The following CIZ1 variants were observed in gnomAD, a reference collection of about 807,000 sequenced individuals.
The protein encoded by CIZ1 is cip1-interacting zinc finger protein.
Under a neutral mutation model 118.6 loss-of-function variants are expected in CIZ1, and 58 were observed. That is an observed-to-expected ratio of 0.49 (90% CI 0.40 to 0.61). The LOEUF (loss-of-function observed/expected upper bound fraction) is 0.61. Ranked by LOEUF, CIZ1 falls within the 20% of genes least tolerant of loss-of-function variation. CIZ1 has a pLI of 0.00. For missense variants in CIZ1, 921 were observed against 1,115.9 expected (o/e 0.83, Z 2.49); for synonymous variants, 448 against 443.4 (o/e 1.01, Z -0.13).
At chr9:128,189,774 T>G (rs1241800844) in intron 3 of CIZ1, among the ~76,000 whole-genome samples, 3 of 132,674 alleles carry the variant, frequency 2.3e-5, no homozygotes, top group Non-Finnish European at 4.6e-5. Flanking sequence ...GAGCCAAGAT[T>G]GCACCATTGC....
intron 1 of CIZ1, chr9:128,197,888 T>C (rs972465066): frequency 6.6e-6 from 1 of 152,260 alleles, no homozygotes; most frequent in African/African-American, 2.4e-5. Flanking sequence ...TAGGGGTTAT[T>C]ATAATCCCCC....
intron 5 of CIZ1, among the ~76,000 whole-genome samples, chr9:128,182,434 C>T (rs1588203777): frequency 6.6e-6 from 1 of 152,308 alleles, no homozygotes; most frequent in African/African-American, 2.4e-5. Flanking sequence ...AGCCACCACA[C>T]CTGGCCCAGT....
upstream of CIZ1, among the ~76,000 whole-genome samples, chr9:128,193,059 G>A (rs535963241): frequency 6.6e-6 from 1 of 152,238 alleles, no homozygotes; most frequent in Non-Finnish European, 1.5e-5. Context: ...TGTGACGAGC[G>A]CCGCTCCAAA....
rs550876030 is a variant in CIZ1 at position 128,178,155 on chromosome 9, C to T, written c.1620+214G>A. ...TTGGGGATGGGCAGGCTGGAAGGGA[C>T]GGATGTGAAGACAGCACAACAGCAA... On this transcript the variant is annotated intron_variant, in intron 9 of 16. Coordinates refer to ENST00000372938, the MANE Select transcript of CIZ1 (RefSeq NM_001131016.2). Among the ~76,000 whole-genome samples the T allele has an allele frequency of 2.6e-5, 4 of 152,200 alleles. No homozygotes were observed. The East Asian group carries it at 5.8e-4, about 22-fold the overall frequency.
chr9:128,166,427 T>C lies in CIZ1; in HGVS notation c.2488-21A>G. The C allele has an allele frequency of 6.7e-7, 1 of 1,500,966 alleles. No homozygotes were observed. Among genetic ancestry groups the C allele is most frequent in the Non-Finnish European group, 9.0e-7 (1 of 1,115,682 alleles). 93.0% of individuals were successfully genotyped at this position (1,500,966 alleles called of 1,614,324 possible). On this transcript the variant is annotated intron_variant, in intron 16 of 16. Transcript: ENST00000372938. This position sits in a 1 kb window ranked among gnomAD's most constrained non-coding sequence, Gnocchi z 4.4. ...TATTTCTGGATACAGAAGGTGCAGGTAAGGTCAGGGTCTCCTCCCTACATG... is the reference window on the plus strand; with the variant it reads ...TATTTCTGGATACAGAAGGTGCAGGCAAGGTCAGGGTCTCCTCCCTACATG...
At chr9:128,184,277 T>C (rs1348039596) in intron 5 of CIZ1, among the ~76,000 whole-genome samples, 1 of 152,100 alleles carries the variant, frequency 6.6e-6, no homozygotes, top group Non-Finnish European at 1.5e-5. Context: ...ACACACCAGA[T>C]TGTGAAGATT....
Position 128,169,435 on chromosome 9 carries a change from AC to A in CIZ1, c.2115del (p.Lys705AsnfsTer12). 6.2e-7 allele frequency: 1 copy of A among 1,614,120 alleles called. No individual in the cohort carries two copies. The highest frequency in any genetic ancestry group is 8.5e-7 in the Non-Finnish European group (1 of 1,180,018). ...TTGGCTTTGTCCTTATGCCCCTGGGACTTCACGTGCTCCACAAACTTGCGAG... is the reference window on the plus strand; with the variant it reads ...TTGGCTTTGTCCTTATGCCCCTGGGATTCACGTGCTCCACAAACTTGCGAG... ...KTPRKFVEHVKSQGHKDKAKE... is the reference protein window; with the variant it reads ...KTPRKFVEHVXSQGHKDKAKE... On this transcript the variant is annotated frameshift_variant, in exon 13 of 17. Transcript: ENST00000372938. LOFTEE classifies it high-confidence loss of function.
At chr9:128,185,387 A>G (rs777630308) in intron 5 of CIZ1, among the ~76,000 whole-genome samples, 160 bp downstream of exon 5, 1 of 152,226 alleles carries the variant, frequency 6.6e-6, no homozygotes, top group African/African-American at 2.4e-5. Flanking sequence ...GGGAAACGCT[A>G]AACAAGTCCA....
chr9:128,180,339 C>A, intron 7 of CIZ1, 76 bp downstream of exon 7: 1 of 1,080,560 alleles, frequency 9.3e-7, no homozygotes. Flanking sequence ...ACCCCCTCTG[C>A]CATTGCCACC....
At chr9:128,196,752 C>G (rs912974767), upstream of CIZ1, 5 of 152,088 alleles carry the variant, frequency 3.3e-5, no homozygotes, top group African/African-American at 1.2e-4. Flanking sequence ...TACAGGCACC[C>G]GCCACCACGC....
upstream of CIZ1, chr9:128,191,872 G>C: frequency 2.1e-6 from 3 of 1,462,028 alleles, no homozygotes; most frequent in Non-Finnish European, 2.7e-6. The surrounding 1 kb of genome is among the most constrained non-coding windows in gnomAD (Gnocchi z 5.5). Flanking sequence ...CGGCCGCCGC[G>C]GTCCTGCGAT....
At chr9:128,182,788 C>CT (rs1373557160) in intron 5 of CIZ1, among the ~76,000 whole-genome samples, 70 of 148,218 alleles carry the variant, frequency 4.7e-4, no homozygotes, top group Middle Eastern at 3.5e-3. Context: ...TTTCTGTATT[C>CT]TTTTTTTTTT....
At chr9:128,185,805 G>A (rs1309067615) in intron 4 of CIZ1, 29 bp from the exon 5 acceptor site, 1 of 1,521,414 alleles carries the variant, frequency 6.6e-7, no homozygotes, top group Non-Finnish European at 9.1e-7. Context: ...GAGAAGAGGG[G>A]TCACAATGTG....
chr9:128,174,154 C>T (rs1422044056), intron 11 of CIZ1, among the ~76,000 whole-genome samples: 1 of 152,242 alleles, frequency 6.6e-6, no homozygotes, highest in Non-Finnish European at 1.5e-5. Context: ...CCTTCAGCCC[C>T]ATTCCTGGGA....
At chr9:128,178,244 C>T in intron 9 of CIZ1, 125 bp downstream of exon 9, 1 of 1,178,886 alleles carries the variant, frequency 8.5e-7, no homozygotes, top group Non-Finnish European at 1.2e-6. Flanking sequence ...AGGCAGAGGG[C>T]TGTCATCCCA....
At chr9:128,198,878 A>G (rs777278618) in intron 1 of CIZ1, among the ~76,000 whole-genome samples, 47 of 152,060 alleles carry the variant, frequency 3.1e-4, no homozygotes, top group Non-Finnish European at 5.6e-4. Flanking sequence ...ATATGTATTC[A>G]CCACACAGCA....
chr9:128,177,133 CCACCT>C (rs1830963745), intron 10 of CIZ1, among the ~76,000 whole-genome samples: 2 of 152,138 alleles, frequency 1.3e-5, no homozygotes, highest in South Asian at 4.1e-4. Flanking sequence ...TGTGATCCAC[CCACCT>C]CAGCCTCCCA....
Position 128,176,499 on chromosome 9 carries a change from T to C in CIZ1, c.1819-24A>G, listed in dbSNP as rs1830865330. 4 of 1,609,578 alleles carry C rather than the reference T, an allele frequency of 2.5e-6. No individual in the cohort carries two copies. In the South Asian group the frequency reaches 4.4e-5, roughly 18 times the overall value. The stretch of plus-strand genomic sequence containing the variant: ...TCCTGCAGCAGGAGGGAAAGAGGGA[T>C]GGGCCTGGGGCGTGAGCCCAGAACA... On this transcript the variant is annotated intron_variant, in intron 10 of 16. Coordinates refer to ENST00000372938, the MANE Select transcript of CIZ1 (RefSeq NM_001131016.2).
At position 128,203,442 on chromosome 9, in the gene CIZ1, G is replaced by A; in HGVS notation, c.-6+744C>T. On this transcript the variant is annotated intron_variant, in intron 1 of 17. Transcript: ENST00000372948. This position sits in a 1 kb window ranked among gnomAD's most constrained non-coding sequence, Gnocchi z 5.3. ...GAGCCGGGAGCGCTAGCGGCAGCCGGATCGCAGCCTGCGGGGCCCGCCGCA... is the reference window on the plus strand; with the variant it reads ...GAGCCGGGAGCGCTAGCGGCAGCCGAATCGCAGCCTGCGGGGCCCGCCGCA... The A allele has an allele frequency of 6.9e-7, 1 of 1,444,166 alleles. No individual in the cohort carries two copies. The highest frequency in any genetic ancestry group is 9.1e-7 in the Non-Finnish European group (1 of 1,095,226). 89.5% of individuals were successfully genotyped at this position (1,444,166 alleles called of 1,614,324 possible).
Sources: allele counts gnomAD v4.1 joint callset (sites outside exome capture counted in the v4.1 genomes callset), GRCh38; gene constraint gnomAD v4.1.1; non-coding constraint Gnocchi (gnomAD v3.1); transcripts MANE v1.5; gene names NCBI Gene and HGNC (gene_info 2026-07-23, HGNC 2026-07-21).